Variants in CERKL observed in about 807,000 individuals in gnomAD.
CERKL encodes the protein CERK like autophagy regulator.
CERKL carries 61 observed loss-of-function variants against 63.4 expected under a neutral mutation model. The observed-to-expected ratio is 0.96, with a 90% CI of 0.78 to 1.19. CERKL has a LOEUF of 1.19. CERKL is among the 50% of genes most tolerant of loss of function. CERKL has a pLI of 0.00. For synonymous variants in CERKL, 250 were observed against 230.5 expected, an observed-to-expected ratio of 1.08 and a Z score of -0.77; for missense variants, 675 against 655.5, an observed-to-expected ratio of 1.03 and a Z score of -0.33.
chr2:181,610,203 T>C (rs1207261838), intron 1 of CERKL, among the ~76,000 whole-genome samples: 1 of 152,152 alleles, frequency 6.6e-6, no homozygotes, highest in Admixed American at 6.6e-5. Flanking sequence ...CAAGCAGGCA[T>C]TTCACAAAAG....
At chr2:181,590,766 T>C (rs1684959185) in intron 2 of CERKL, among the ~76,000 whole-genome samples, 1 of 152,202 alleles carries the variant, frequency 6.6e-6, no homozygotes, top group African/African-American at 2.4e-5. Context: ...ATAAAAGTAC[T>C]TAAAACATAC....
chr2:181,560,048 G>T (rs1012769788), intron 4 of CERKL, among the ~76,000 whole-genome samples: 3 of 152,132 alleles, frequency 2.0e-5, no homozygotes, highest in African/African-American at 7.2e-5. Context: ...TATATATCAG[G>T]TAATGTGTTT....
chr2:181,621,298 A>G (rs1177649929), intron 1 of CERKL, among the ~76,000 whole-genome samples: 7 of 152,222 alleles, frequency 4.6e-5, no homozygotes, highest in African/African-American at 1.7e-4. Context: ...AGTCTTAATA[A>G]AAACTTTAAA....
intron 3 of CERKL, among the ~76,000 whole-genome samples, chr2:181,572,344 C>T (rs1688939660): frequency 6.6e-6 from 1 of 152,146 alleles, no homozygotes; most frequent in Non-Finnish European, 1.5e-5. Context: ...AGTATGATAG[C>T]TTATTCATCT....
At chr2:181,548,048 T>C in intron 8 of CERKL, 1 of 617,614 alleles carries the variant, frequency 1.6e-6, no homozygotes, top group East Asian at 2.7e-5. Context: ...AAAGGTAAAC[T>C]AGTATTATAA....
At chr2:181,547,769 C>T in intron 9 of CERKL, 43 bp from the exon 10 acceptor site, 1 of 1,613,832 alleles carries the variant, frequency 6.2e-7, no homozygotes, top group Middle Eastern at 1.7e-4. Flanking sequence ...CTCACCAGAA[C>T]AAAATGTCAA....
intron 2 of CERKL, among the ~76,000 whole-genome samples, chr2:181,586,698 A>G (rs1054109835): frequency 2.6e-5 from 4 of 152,198 alleles, no homozygotes; most frequent in African/African-American, 7.2e-5. Context: ...TTGGTAACAA[A>G]TGTGCTAATA....
Position 181,547,744 on chromosome 2 carries a change from G to C in CERKL, c.1160-18C>G, listed in dbSNP as rs143023765. 1.7e-4 allele frequency: 271 copies of C among 1,612,926 alleles called. No homozygotes were observed. In the East Asian group the frequency reaches 6.0e-3, roughly 36 times the overall value. On this transcript the variant is annotated intron_variant, in intron 9 of 12. Coordinates refer to ENST00000410087, the MANE Select transcript of CERKL (RefSeq NM_201548.5). ...ATTACAGTCTAAAGGTAATGAAAGT[G>C]ATTGGTTATTTTCCCTCACCAGAAC...
At chr2:181,602,935 A>G (rs1685517591) in intron 2 of CERKL, among the ~76,000 whole-genome samples, 1 of 152,358 alleles carries the variant, frequency 6.6e-6, no homozygotes, top group African/African-American at 2.4e-5. Flanking sequence ...TAACTAGATA[A>G]CTTCTAGAAA....
intron 1 of CERKL, among the ~76,000 whole-genome samples, chr2:181,618,817 G>A (rs1372473382): frequency 6.6e-6 from 1 of 152,076 alleles, no homozygotes; most frequent in Non-Finnish European, 1.5e-5. Context: ...GGTTTTCAAC[G>A]ATTTAAGAGT....
chr2:181,572,850 T>C (rs903707988), intron 3 of CERKL, among the ~76,000 whole-genome samples: 1 of 148,734 alleles, frequency 6.7e-6, no homozygotes, highest in African/African-American at 2.5e-5. Flanking sequence ...TCAATGATAT[T>C]ATTAACATCT....
intron 2 of CERKL, among the ~76,000 whole-genome samples, chr2:181,581,083 C>T (rs1178148684): frequency 1.3e-5 from 2 of 152,148 alleles, no homozygotes; most frequent in Non-Finnish European, 2.9e-5. Context: ...CTAACAGTAG[C>T]AATACTATTT....
At chr2:181,598,077 G>A (rs907081743) in intron 2 of CERKL, among the ~76,000 whole-genome samples, 4 of 152,166 alleles carry the variant, frequency 2.6e-5, no homozygotes, top group Admixed American at 6.5e-5. Flanking sequence ...TCTTCCCACT[G>A]GGGGCCAGCA....
chr2:181,578,895 C>T (rs1406085081), intron 2 of CERKL, among the ~76,000 whole-genome samples: 3 of 151,956 alleles, frequency 2.0e-5, no homozygotes, highest in Non-Finnish European at 4.4e-5. Context: ...TATTCTCCAT[C>T]TATTTGATGC....
In CERKL at chr2:181,536,990, TCACAGGCCTG is replaced by T. The variant is rs1465518782; in HGVS notation, c.*1184_*1193del. On this transcript the variant is annotated 3_prime_UTR_variant, in exon 13 of 13. Coordinates refer to ENST00000410087, the MANE Select transcript of CERKL (RefSeq NM_201548.5). ...ATCCTAATTGATGAAAGTTATCTGT[TCACAGGCCTG>T]CAGTGATGGTGAGGAATGTTCTGAG... is the stretch of plus-strand genomic sequence containing the variant. 2.2e-6 allele frequency: 1 copy of T among 451,812 alleles called. No homozygotes were observed. The highest frequency in any genetic ancestry group is 2.0e-5 in the African/African-American group (1 of 50,022). The allele number at this position is 451,812 out of a possible 1,614,324, so 28.0% of individuals were successfully genotyped here.
At chr2:181,641,346 C>CATATATATATATATATATATAT (rs1299406156) in intron 1 of CERKL, among the ~76,000 whole-genome samples, 5 of 11,064 alleles carry the variant, frequency 4.5e-4, no homozygotes, top group Admixed American at 2.9e-3. Context: ...TATATATATA[C>CATATATATATATATATATATAT]ATATATATAC....
At chr2:181,570,293 CA>C (rs1233757081) in intron 3 of CERKL, among the ~76,000 whole-genome samples, 1 of 152,166 alleles carries the variant, frequency 6.6e-6, no homozygotes, top group Non-Finnish European at 1.5e-5. Context: ...GCTCCACCCA[CA>C]AGGAGAAAAA....
intron 2 of CERKL, among the ~76,000 whole-genome samples, chr2:181,584,448 G>T (rs1684672300): frequency 6.6e-6 from 1 of 151,920 alleles, no homozygotes; most frequent in Admixed American, 6.6e-5. Context: ...AGAGTCTGAG[G>T]CTTCCATGAG....
chr2:181,614,125 C>CT (rs1686089395), intron 1 of CERKL, among the ~76,000 whole-genome samples: 1 of 98,052 alleles, frequency 1.0e-5, no homozygotes, highest in African/African-American at 1.1e-4. Context: ...TCTGTGGGGT[C>CT]GCAGGCCACT....
Sources: gnomAD v4.1 joint callset for allele counts (sites outside exome capture counted in the v4.1 genomes callset) on GRCh38, gnomAD v4.1.1 for gene constraint, MANE v1.5 for transcripts, NCBI Gene and HGNC (gene_info 2026-07-23, HGNC 2026-07-21) for gene names.